The following WDR44 variants were observed in gnomAD, a reference collection of about 807,000 sequenced individuals.
WDR44 encodes the protein WD repeat domain 44, also known as WD repeat-containing protein 44.
Under a neutral mutation model 65.7 loss-of-function variants are expected in WDR44, and 9 were observed. That is an observed-to-expected ratio of 0.14 (90% confidence interval 0.08 to 0.24). WDR44 has a LOEUF of 0.24. Among genes scored for constraint, WDR44 ranks in the 10% least tolerant of loss-of-function variants. The pLI, the probability that WDR44 is intolerant of heterozygous loss-of-function variation, is 1.00. For missense variants in WDR44, 425 were observed against 670.9 expected, an observed-to-expected ratio of 0.63 and a Z score of 4.05; for synonymous variants, 220 against 235.2, an observed-to-expected ratio of 0.94 and a Z score of 0.59.
chrX:118,409,531 C>T lies in WDR44; in HGVS notation c.1576C>T (p.Leu526Phe), dbSNP rs1447415858. 8.3e-7 allele frequency: 1 copy of T among 1,208,589 alleles called. No individual in the cohort carries two copies. The highest frequency in any genetic ancestry group is 1.1e-6 in the Non-Finnish European group (1 of 894,498). The change falls in exon 11 of 20, where the codon CTT (leucine) becomes TTT (phenylalanine). Residue 526 changes from leucine (L) to phenylalanine (F), a missense_variant. Coordinates refer to ENST00000254029, the MANE Select transcript of WDR44 (RefSeq NM_019045.5). Reference protein sequence around the residue: ...TMKFSHCGRLLASAGQDNVVR... With the variant: ...TMKFSHCGRLFASAGQDNVVR... The stretch of plus-strand genomic sequence containing the variant: ...GAAATTTTCTCACTGTGGCCGATTA[C>T]TTGCCTCAGCTGGACAAGACAATGT...
chrX:118,364,561 T>G (rs1474894136), intron 1 of WDR44, among the ~76,000 whole-genome samples: 1 of 112,505 alleles, frequency 8.9e-6, no homozygotes, highest in Non-Finnish European at 1.9e-5. Context: ...ACCCTTTGTA[T>G]TTCAATGCCT....
chrX:118,426,375 A>G (rs187618058), intron 12 of WDR44, among the ~76,000 whole-genome samples: 15 of 111,551 alleles, frequency 1.3e-4, no homozygotes, highest in African/African-American at 4.2e-4. Context: ...ATACTCTTCT[A>G]TCTACTTTTG....
intron 13 of WDR44, among the ~76,000 whole-genome samples, chrX:118,433,423 A>G (rs952444460): frequency 9.0e-6 from 1 of 111,326 alleles, no homozygotes; most frequent in Non-Finnish European, 1.9e-5. Context: ...AACCTGTGCA[A>G]CTATACCTGC....
chrX:118,403,271 A>C (rs936201808), intron 8 of WDR44, among the ~76,000 whole-genome samples: 1 of 112,017 alleles, frequency 8.9e-6, no homozygotes, highest in African/African-American at 3.2e-5. Flanking sequence ...GGACTATGTA[A>C]CAAAAACTCT....
chrX:118,422,329 G>A (rs979443543), intron 12 of WDR44, among the ~76,000 whole-genome samples: 2 of 111,167 alleles, frequency 1.8e-5, no homozygotes, highest in Admixed American at 9.6e-5. Context: ...TCAGGAGTTT[G>A]AGGTTACAGT....
intron 12 of WDR44, among the ~76,000 whole-genome samples, chrX:118,429,380 G>A (rs1331347777): frequency 9.1e-6 from 1 of 110,127 alleles, no homozygotes; most frequent in Non-Finnish European, 1.9e-5. Flanking sequence ...CTTGAGATCA[G>A]GAGTTCGAGA....
At chrX:118,365,911 C>T (rs186694326) in intron 1 of WDR44, among the ~76,000 whole-genome samples, 1 of 112,110 alleles carries the variant, frequency 8.9e-6, no homozygotes, top group African/African-American at 3.2e-5. Context: ...TAGGCATCTA[C>T]CTGCTTTGCA....
chrX:118,423,652 T>C (rs1483778874), intron 12 of WDR44, among the ~76,000 whole-genome samples: 5 of 112,028 alleles, frequency 4.5e-5, no homozygotes, highest in Admixed American at 9.5e-5. Context: ...ATTTATTAAG[T>C]ATACGATACA....
At chrX:118,442,810 C>A in intron 17 of WDR44, 130 bp downstream of exon 17, 1 of 481,553 alleles carries the variant, frequency 2.1e-6, no homozygotes, top group Non-Finnish European at 3.6e-6. Context: ...TATTATCATG[C>A]AATACGTACC....
At chrX:118,448,156 A>T (rs928182219) in intron 19 of WDR44, among the ~76,000 whole-genome samples, 2 of 110,185 alleles carry the variant, frequency 1.8e-5, no homozygotes, top group Non-Finnish European at 3.8e-5. Flanking sequence ...TAGCACATCT[A>T]AGTGAAACCA....
At position 118,387,364 on chromosome X, in the gene WDR44, G is replaced by A. The variant is rs746985534; in HGVS notation, c.136G>A (p.Val46Ile). The change falls in exon 3 of 20, where the codon GTT becomes ATT. Residue 46 changes from valine to isoleucine, a missense_variant. Physicochemically the swap from Val to Ile is conservative, Grantham distance 29. Coordinates refer to ENST00000254029, the MANE Select transcript of WDR44 (RefSeq NM_019045.5). ...GGAAACAGAGAACACTGCATACAAA[G>A]TTGGAAATGAGTCCCCTGTACAAGA... The part of the protein sequence containing the change: ...FKETENTAYK[V>I]GNESPVQELK... 1.7e-5 allele frequency: 20 copies of A among 1,200,021 alleles called. No homozygotes were observed. Among genetic ancestry groups the A allele is most frequent in the Non-Finnish European group, 2.0e-5 (18 of 889,763 alleles).
In WDR44 at chrX:118,346,560, A is replaced by C. The variant is rs1169732456; in HGVS notation, c.57A>C (p.Leu19=). The C allele has an allele frequency of 8.4e-7, 1 of 1,193,452 alleles. No homozygotes were observed. The highest frequency in any genetic ancestry group is 1.1e-6 in the Non-Finnish European group (1 of 886,469). Residue 19 remains leucine, a synonymous_variant, in exon 1 of 20, where the codon CTA becomes CTC. Transcript: ENST00000254029. ...ATGATGCCCCTGAAGATGTGCACCT[A>C]GGGGGCGGCTACCCCGTGGGGTAAG... The part of the protein sequence containing the change: ...EFYDAPEDVH[L]GGGYPVGSPG...
At chrX:118,386,497 T>G (rs1569365252) in intron 2 of WDR44, 1 of 345,069 alleles carries the variant, frequency 2.9e-6, no homozygotes, top group Non-Finnish European at 5.5e-6. Context: ...TTTTCATAGT[T>G]TTTTTAGGGG....
chrX:118,369,735 G>C (rs1325866191), intron 1 of WDR44, among the ~76,000 whole-genome samples: 2 of 111,749 alleles, frequency 1.8e-5, no homozygotes, highest in Non-Finnish European at 3.8e-5. Flanking sequence ...CCAAAGTGCT[G>C]GGATTACAGG....
intron 18 of WDR44, 49 bp from the exon 19 acceptor site, chrX:118,444,311 G>A (rs376408073): frequency 8.5e-7 from 1 of 1,175,424 alleles, no homozygotes; most frequent in Non-Finnish European, 1.1e-6. Context: ...TATCGTGTTT[G>A]TCTTGGTATC....
intron 1 of WDR44, among the ~76,000 whole-genome samples, chrX:118,370,889 C>CTTT (rs965239416): frequency 9.8e-6 from 1 of 102,116 alleles, no homozygotes; most frequent in Non-Finnish European, 2.0e-5. Context: ...GCCTAAACCT[C>CTTT]TTTTTTTTTT....
intron 7 of WDR44, 78 bp downstream of exon 7, chrX:118,397,184 C>T (rs971723611): frequency 3.1e-5 from 29 of 934,327 alleles, no homozygotes; most frequent in Non-Finnish European, 4.1e-5. Context: ...ACTATGACAA[C>T]CCCTAATTTG....
chrX:118,350,943 C>A (rs1035982943), intron 1 of WDR44, among the ~76,000 whole-genome samples: 1 of 111,376 alleles, frequency 9.0e-6, no homozygotes, highest in Non-Finnish European at 1.9e-5. Context: ...GGAACTAGAG[C>A]CCAGGTCTCT....
chrX:118,448,361 A>G (rs1392678433), intron 19 of WDR44, among the ~76,000 whole-genome samples: 2 of 112,263 alleles, frequency 1.8e-5, no homozygotes, highest in Non-Finnish European at 3.8e-5. Context: ...GCATAGTTAT[A>G]TAGCTTTTCA....
Sources: gnomAD v4.1 joint callset for allele counts (sites outside exome capture counted in the v4.1 genomes callset) on GRCh38, gnomAD v4.1.1 for gene constraint, MANE v1.5 for transcripts, NCBI Gene and HGNC (gene_info 2026-07-23, HGNC 2026-07-21) for gene names.